The following RNF19A variants were observed in gnomAD, a reference collection of about 807,000 sequenced individuals.
RNF19A encodes ring finger protein 19A, RBR E3 ubiquitin protein ligase.
RNF19A carries 32 observed loss-of-function variants against 75.7 expected under a neutral mutation model. The observed-to-expected ratio is 0.42, with a 90% CI of 0.32 to 0.57. RNF19A has a LOEUF of 0.57. RNF19A is among the 20% of genes least tolerant of loss of function. The pLI, the probability that RNF19A is intolerant of heterozygous loss-of-function variation, is 0.10. For missense variants in RNF19A, 782 were observed against 1,036.3 expected (o/e 0.75, Z 3.37); for synonymous variants, 335 against 345.2 (o/e 0.97, Z 0.33).
Position 100,275,089 on chromosome 8 carries a change from C to G in RNF19A, c.747G>C (p.Glu249Asp). ...AAATCTGTTTACAGTGGTAGCAAAA[C>G]TCTGTTCCACAGCCCTCTCGCCCAC... ...LTCGREGCGT[E>D]FCYHCKQIWH... Residue 249 changes from glutamate to aspartate, a missense_variant, in exon 3 of 10, where the codon GAG becomes GAC. Around this residue, in one of 7 missense-constraint regions of RNF19A, gnomAD observed 85 missense variants for 177.7 expected, o/e 0.48. Transcript: ENST00000341084. This position sits in a 1 kb window ranked among gnomAD's most constrained non-coding sequence, Gnocchi z 4.3. 1 of 1,614,170 alleles carries G rather than the reference C, an allele frequency of 6.2e-7. No homozygotes were observed. The highest frequency in any genetic ancestry group is 8.5e-7 in the Non-Finnish European group (1 of 1,180,026).
At position 100,270,127 on chromosome 8, in the gene RNF19A, T is replaced by C. The variant is rs1046351590; in HGVS notation, c.884-114A>G. On this transcript the variant is annotated intron_variant, in intron 3 of 9. Transcript: ENST00000341084. The stretch of plus-strand genomic sequence containing the variant: ...AATCTTAAGATGTAGTTTGTTAACT[T>C]ATAGCTTCAGCCTGCTGTTTTTAGT... The C allele has an allele frequency of 2.5e-5, 21 of 846,694 alleles. No homozygotes were observed. The African/African-American group carries it at 3.3e-4, about 13-fold the overall frequency. 52.4% of individuals were successfully genotyped at this position (846,694 alleles called of 1,614,324 possible). A position where few individuals can be genotyped will look rare whatever the true frequency, so the allele number is the denominator to read the frequency against.
In RNF19A at chr8:100,260,582, T is replaced by C. The variant is rs1268931064; in HGVS notation, c.1683-585A>G. Among the ~76,000 whole-genome samples the C allele has an allele frequency of 6.6e-6, 1 of 152,188 alleles. No individual in the cohort carries two copies. The highest frequency in any genetic ancestry group is 1.9e-4 in the East Asian group (1 of 5,196). ...ACTGAGCCCAACCAACATTTGCCTT[T>C]TTAAAAAGAGGTAGTATATACCACT... On this transcript the variant is annotated intron_variant, in intron 8 of 9. Transcript: ENST00000341084. The surrounding 1 kb of genome is among the most constrained non-coding windows in gnomAD (Gnocchi z 4.1).
upstream of RNF19A, chr8:100,310,227 C>G: frequency 1.0e-6 from 1 of 985,204 alleles, no homozygotes. Flanking sequence ...ACCGGGCCCG[C>G]TGCGGGCGGC....
exon 1 of RNF19A, chr8:100,336,153 C>A (rs1363688810): frequency 6.6e-6 from 1 of 152,232 alleles, no homozygotes; most frequent in Non-Finnish European, 1.5e-5. Context: ...GGGCATGGGT[C>A]CCACACTCAA....
At chr8:100,304,017 C>T (rs988276129) in intron 1 of RNF19A, among the ~76,000 whole-genome samples, 2 of 152,074 alleles carry the variant, frequency 1.3e-5, no homozygotes, top group Non-Finnish European at 2.9e-5. Flanking sequence ...AGTGCAATGT[C>T]GCAATCTCGG....
chr8:100,264,872 G>A lies in RNF19A; in HGVS notation c.1192-87C>T. On this transcript the variant is annotated intron_variant, in intron 5 of 9. Transcript: ENST00000341084. The surrounding 1 kb of genome is among the most constrained non-coding windows in gnomAD (Gnocchi z 4.7). ...TTGAAAAAGATCTATACTTGCTAAA[G>A]TGATTTTTCATAGAAGTTCGTAGCT... 1 of 1,026,718 alleles carries A rather than the reference G, an allele frequency of 9.7e-7. No homozygotes were observed. Among genetic ancestry groups the A allele is most frequent in the South Asian group, 1.4e-5 (1 of 71,166 alleles). 63.6% of individuals were successfully genotyped at this position (1,026,718 alleles called of 1,614,324 possible).
At position 100,330,179 on chromosome 8, in the gene RNF19A, A is replaced by G. The variant is rs1288274607; in HGVS notation, c.-243+5929T>C. 6.6e-6 allele frequency among the ~76,000 whole-genome samples: 1 copy of G among 152,194 alleles called. No homozygotes were observed. Among genetic ancestry groups the G allele is most frequent in the African/African-American group, 2.4e-5 (1 of 41,452 alleles). ...AGAGTTTGCTCCCACAATCTCCCCA[A>G]CCTTCTCTAGCATCTTAACTTTTTC... On this transcript the variant is annotated intron_variant, in intron 1 of 3. Transcript: ENST00000519527. The surrounding 1 kb of genome is among the most constrained non-coding windows in gnomAD (Gnocchi z 4.1).
chr8:100,293,425 T>C (rs1215259325), intron 1 of RNF19A, among the ~76,000 whole-genome samples: 2 of 152,260 alleles, frequency 1.3e-5, no homozygotes, highest in Non-Finnish European at 2.9e-5. Flanking sequence ...AATAGGTTAT[T>C]ACACTGTCTT....
chr8:100,268,319 C>T (rs1439451801), intron 5 of RNF19A, among the ~76,000 whole-genome samples: 2 of 151,678 alleles, frequency 1.3e-5, no homozygotes, highest in Admixed American at 6.6e-5. Context: ...TTATAATTTG[C>T]AAAATAGTGT....
chr8:100,282,963 C>T (rs1820849940), intron 2 of RNF19A, among the ~76,000 whole-genome samples: 1 of 152,092 alleles, frequency 6.6e-6, no homozygotes, highest in Non-Finnish European at 1.5e-5. Flanking sequence ...GATCACATTA[C>T]CCAAATGTAT....
chr8:100,264,583 A>C lies in RNF19A; in HGVS notation c.1306+88T>G. On this transcript the variant is annotated intron_variant, in intron 6 of 9. Coordinates refer to ENST00000341084, the MANE Select transcript of RNF19A (RefSeq NM_183419.4). This position sits in a 1 kb window ranked among gnomAD's most constrained non-coding sequence, Gnocchi z 4.7. ...TGCAGGCTCAATTTAAATTGTCCTC[A>C]AATTAAAAAACAATTAAAAAAAATC... 1.1e-6 allele frequency: 1 copy of C among 874,422 alleles called. No individual in the cohort carries two copies. 54.2% of individuals were successfully genotyped at this position (874,422 alleles called of 1,614,324 possible). A position where few individuals can be genotyped will look rare whatever the true frequency, so the allele number is the denominator to read the frequency against.
At chr8:100,277,251 T>C (rs935012047) in intron 2 of RNF19A, among the ~76,000 whole-genome samples, 1 of 152,182 alleles carries the variant, frequency 6.6e-6, no homozygotes, top group Admixed American at 6.5e-5. Context: ...CTCTATAAAA[T>C]TGTGCAGGAT....
intron 1 of RNF19A, among the ~76,000 whole-genome samples, chr8:100,292,087 T>G (rs1457671680): frequency 6.6e-6 from 1 of 151,140 alleles, no homozygotes; most frequent in Non-Finnish European, 1.5e-5. Context: ...TATACTCAAG[T>G]GAAACTGTCA....
chr8:100,303,781 A>AC (rs1219875033), intron 1 of RNF19A, among the ~76,000 whole-genome samples: 7 of 151,056 alleles, frequency 4.6e-5, no homozygotes, highest in Admixed American at 4.6e-4. Context: ...AAAAAAAAAA[A>AC]AAAATGATTA....
At chr8:100,303,661 C>T (rs1282746195) in intron 1 of RNF19A, among the ~76,000 whole-genome samples, 2 of 151,546 alleles carry the variant, frequency 1.3e-5, no homozygotes, top group Non-Finnish European at 2.9e-5. Flanking sequence ...CAGTGGCTCA[C>T]GCCTGTAATC....
chr8:100,314,422 G>A (rs932812837), upstream of RNF19A, among the ~76,000 whole-genome samples: 4 of 152,154 alleles, frequency 2.6e-5, no homozygotes, highest in Non-Finnish European at 5.9e-5. The surrounding 1 kb of genome is among the most constrained non-coding windows in gnomAD (Gnocchi z 4.1). Context: ...ACGTAGCTAA[G>A]TGGCAGAGCT....
At chr8:100,300,626 C>T (rs1276105508) in intron 1 of RNF19A, 1 of 151,830 alleles carries the variant, frequency 6.6e-6, no homozygotes, top group Non-Finnish European at 1.5e-5. Flanking sequence ...GTATTCCACC[C>T]TGGGTGACAC....
At position 100,317,820 on chromosome 8, in the gene RNF19A, C is replaced by T. The variant is rs779248451; in HGVS notation, c.-242-4448G>A. ...CATATGTGGCAGCTTGCTCAGGACA[C>T]TCATGGCTTACACCTATTGTGGGGA... On this transcript the variant is annotated intron_variant, in intron 1 of 3. Transcript: ENST00000519527. This position sits in a 1 kb window ranked among gnomAD's most constrained non-coding sequence, Gnocchi z 4.3. 6.6e-6 allele frequency among the ~76,000 whole-genome samples: 1 copy of T among 152,226 alleles called. No homozygotes were observed. Among genetic ancestry groups the T allele is most frequent in the African/African-American group, 2.4e-5 (1 of 41,450 alleles).
At chr8:100,310,879 A>G (rs1822276884), upstream of RNF19A, among the ~76,000 whole-genome samples, 1 of 152,008 alleles carries the variant, frequency 6.6e-6, no homozygotes, top group South Asian at 2.1e-4. Flanking sequence ...TCAGCCAGTC[A>G]TATCCCCTTT....
Sources: gnomAD v4.1 joint callset for allele counts (sites outside exome capture counted in the v4.1 genomes callset) on GRCh38, gnomAD v4.1.1 for gene constraint, gnomAD v4.1.1 regional missense constraint, Gnocchi (gnomAD v3.1) non-coding constraint, MANE v1.5 for transcripts, NCBI Gene and HGNC (gene_info 2026-07-23, HGNC 2026-07-21) for gene names.